The following SPATA13 variants were observed in gnomAD, a reference collection of about 807,000 sequenced individuals.
The protein encoded by SPATA13 is spermatogenesis associated 13.
SPATA13 carries 50 observed loss-of-function variants against 104.0 expected under a neutral mutation model. That is an observed-to-expected ratio of 0.48 (90% CI 0.38 to 0.61). The LOEUF (loss-of-function observed/expected upper bound fraction) is 0.61. Ranked by LOEUF, SPATA13 falls within the 20% of genes least tolerant of loss-of-function variation. The pLI is 0.00. For missense variants in SPATA13, 1,524 were observed against 1,690.6 expected, an observed-to-expected ratio of 0.90 and a Z score of 1.73; for synonymous variants, 606 against 667.5, an observed-to-expected ratio of 0.91 and a Z score of 1.42.
intron 1 of SPATA13, among the ~76,000 whole-genome samples, chr13:24,208,072 A>T (rs1015741807): frequency 6.6e-6 from 1 of 152,332 alleles, no homozygotes; most frequent in Non-Finnish European, 1.5e-5. Context: ...TTCGGCAGGG[A>T]AGGGACGAGC....
intron 3 of SPATA13, among the ~76,000 whole-genome samples, chr13:24,040,155 G>A (rs1366609642): frequency 6.6e-6 from 1 of 152,210 alleles, no homozygotes; most frequent in Non-Finnish European, 1.5e-5. Flanking sequence ...ATGCTGGGTG[G>A]CCAAACCAAA....
chr13:23,992,952 G>C (rs986094551), intron 2 of SPATA13, among the ~76,000 whole-genome samples: 1 of 152,184 alleles, frequency 6.6e-6, no homozygotes, highest in Non-Finnish European at 1.5e-5. Context: ...TGCAGCATGG[G>C]AATTTCCATC....
rs1871797321 is a variant in SPATA13 at position 24,224,282 on chromosome 13, C to A, written c.1353C>A (p.Ser451Arg). 6.4e-7 allele frequency: 1 copy of A among 1,551,608 alleles called. No individual in the cohort carries two copies. Among genetic ancestry groups the A allele is most frequent in the Admixed American group, 2.0e-5 (1 of 50,988 alleles). ...ACTCCTGTGACCCAAACGCTGGCAGCCAGTTGACATTTGACCCTGAGCAGC... is the reference window on the plus strand; with the variant it reads ...ACTCCTGTGACCCAAACGCTGGCAGACAGTTGACATTTGACCCTGAGCAGC... ...SKDSCDPNAG[S>R]QLTFDPEQPP... Residue 451 changes from serine (S) to arginine (R), a missense_variant, in exon 2 of 13, where the codon AGC becomes AGA. Ser to Arg is a moderately radical substitution (Grantham distance 110, BLOSUM62 -1). Transcript: ENST00000382108.
chr13:24,030,064 ACG>A (rs1287437503), intron 3 of SPATA13, among the ~76,000 whole-genome samples: 105 of 140,206 alleles, frequency 7.5e-4, no homozygotes, highest in African/African-American at 1.7e-3. Context: ...ACACACACAC[ACG>A]CACACACACA....
intron 2 of SPATA13, among the ~76,000 whole-genome samples, chr13:24,016,410 T>C (rs1876715112): frequency 6.6e-6 from 1 of 152,248 alleles, no homozygotes; most frequent in Non-Finnish European, 1.5e-5. Flanking sequence ...ACATCAGTTT[T>C]CTTTAATTGA....
At chr13:24,122,856 A>G (rs1881083270) in intron 3 of SPATA13, 1 of 773,314 alleles carries the variant, frequency 1.3e-6, no homozygotes, top group African/African-American at 1.7e-5. Flanking sequence ...GAATTCTAAG[A>G]CATGCTGTTG....
intron 3 of SPATA13, among the ~76,000 whole-genome samples, chr13:24,151,421 G>A (rs943654275): frequency 2.0e-5 from 3 of 152,210 alleles, no homozygotes; most frequent in African/African-American, 4.8e-5. Context: ...ATGCAACACA[G>A]TGCCTGGCTG....
chr13:24,260,351 C>G (rs1873999493), intron 4 of SPATA13, among the ~76,000 whole-genome samples: 1 of 152,194 alleles, frequency 6.6e-6, no homozygotes, highest in Non-Finnish European at 1.5e-5. Flanking sequence ...CTGGTCAGGT[C>G]ACAGTGTCCT....
At chr13:24,110,468 T>A (rs1880603104) in intron 3 of SPATA13, among the ~76,000 whole-genome samples, 1 of 152,322 alleles carries the variant, frequency 6.6e-6, no homozygotes, top group South Asian at 2.1e-4. Flanking sequence ...TCCAAACCCC[T>A]TGACTCTGCC....
chr13:24,063,359 T>C (rs974558851), intron 3 of SPATA13, among the ~76,000 whole-genome samples: 1 of 152,166 alleles, frequency 6.6e-6, no homozygotes, highest in Non-Finnish European at 1.5e-5. Context: ...TTTGTACACA[T>C]TGTGGGATGG....
chr13:24,070,318 T>C (rs1879112554), intron 3 of SPATA13, among the ~76,000 whole-genome samples: 1 of 152,200 alleles, frequency 6.6e-6, no homozygotes, highest in South Asian at 2.1e-4. Flanking sequence ...CTGCAGCATT[T>C]CTCTGGGATT....
At chr13:24,030,042 C>T (rs1051377060) in intron 3 of SPATA13, among the ~76,000 whole-genome samples, 58 of 139,824 alleles carry the variant, frequency 4.1e-4, no homozygotes, top group Non-Finnish European at 7.6e-4. Flanking sequence ...GCCCTACCTT[C>T]TCCTAACACA....
chr13:24,029,977 A>G (rs1350284855), intron 3 of SPATA13, among the ~76,000 whole-genome samples: 2 of 152,112 alleles, frequency 1.3e-5, no homozygotes, highest in Non-Finnish European at 2.9e-5. Flanking sequence ...ACGGCTGCAT[A>G]GTATTCCATG....
intron 3 of SPATA13, among the ~76,000 whole-genome samples, chr13:24,103,540 GAGA>G (rs1880333106): frequency 7.1e-6 from 1 of 140,284 alleles, no homozygotes; most frequent in African/African-American, 3.0e-5. Flanking sequence ...GAGAGAGAGA[GAGA>G]AGAGAGAGAG....
chr13:24,178,558 A>G (rs1394754140), intron 1 of SPATA13, among the ~76,000 whole-genome samples: 1 of 152,172 alleles, frequency 6.6e-6, no homozygotes, highest in Non-Finnish European at 1.5e-5. Flanking sequence ...ACTCTGTGCC[A>G]TGCATTGCTA....
intron 2 of SPATA13, among the ~76,000 whole-genome samples, chr13:24,226,943 T>C (rs1433554044): frequency 2.0e-5 from 3 of 152,216 alleles, no homozygotes; most frequent in Non-Finnish European, 4.4e-5. Context: ...TTACCTGAGG[T>C]TCCCGTGGAG....
chr13:24,263,911 C>T (rs967928230), intron 4 of SPATA13, among the ~76,000 whole-genome samples: 1 of 152,190 alleles, frequency 6.6e-6, no homozygotes, highest in African/African-American at 2.4e-5. Context: ...CTGGATTCCA[C>T]AGAGTCCGAA....
chr13:24,145,992 A>G lies in SPATA13; in HGVS notation c.-111-76827A>G, dbSNP rs372659229. On this transcript the variant is annotated intron_variant, in intron 3 of 14. Coordinates refer to the SPATA13 transcript ENST00000424834. ...GCGGGGGCCAATCTGTCTGCAGCTG[A>G]ATGTGGTGAGGAGTGGCAGACACTT... Among the ~76,000 whole-genome samples, 45 of 152,292 alleles carry G rather than the reference A, an allele frequency of 3.0e-4. No individual in the cohort carries two copies. In the East Asian group the frequency reaches 7.9e-3, roughly 27 times the overall value.
chr13:24,045,698 G>A (rs758688742), intron 3 of SPATA13, among the ~76,000 whole-genome samples: 4 of 152,150 alleles, frequency 2.6e-5, no homozygotes, highest in Non-Finnish European at 5.9e-5. Flanking sequence ...GTGAAGAATC[G>A]CCAAGCAAGT....
Sources: allele counts gnomAD v4.1 joint callset (sites outside exome capture counted in the v4.1 genomes callset), GRCh38; gene constraint gnomAD v4.1.1; transcripts MANE v1.5; gene names NCBI Gene and HGNC (gene_info 2026-07-23, HGNC 2026-07-21).